The following KLHDC8A variants were observed in gnomAD, a reference collection of about 807,000 sequenced individuals.
KLHDC8A encodes kelch domain containing 8A, also known as kelch domain-containing protein 8A.
Under a neutral mutation model 33.1 loss-of-function variants are expected in KLHDC8A, and 21 were observed. The observed-to-expected ratio is 0.64, with a 90% CI of 0.45 to 0.91. The LOEUF (loss-of-function observed/expected upper bound fraction) is 0.91. Ranked by LOEUF, KLHDC8A falls within the 40% of genes least tolerant of loss-of-function variation. KLHDC8A has a pLI of 0.00. For synonymous variants in KLHDC8A, 173 were observed against 193.5 expected, an observed-to-expected ratio of 0.89 and a Z score of 0.88; for missense variants, 435 against 483.3, an observed-to-expected ratio of 0.90 and a Z score of 0.94.
rs565386326 is a variant in KLHDC8A at position 205,339,477 on chromosome 1, G to T, written c.542-68C>A. 3.7e-5 allele frequency: 56 copies of T among 1,503,634 alleles called. No homozygotes were observed. The highest frequency in any genetic ancestry group is 1.2e-4 in the African/African-American group (9 of 72,548). 93.1% of individuals were successfully genotyped at this position (1,503,634 alleles called of 1,614,324 possible). On this transcript the variant is annotated intron_variant, in intron 3 of 5. Transcript: ENST00000367155. The surrounding 1 kb of genome is among the most constrained non-coding windows in gnomAD (Gnocchi z 5.1). ...CCTGAGGACAGCGACAGTGAAAAGG[G>T]TTTCCCCTTTTGACAGTTACTCATT...
At chr1:205,338,243 G>A (rs781549109) in intron 5 of KLHDC8A, among the ~76,000 whole-genome samples, 1 of 152,168 alleles carries the variant, frequency 6.6e-6, no homozygotes, top group Non-Finnish European at 1.5e-5. Context: ...TGTGCTGCAC[G>A]GCTACGGGTG....
chr1:205,339,627 C>G lies in KLHDC8A; in HGVS notation c.541+17G>C. 6.2e-7 allele frequency: 1 copy of G among 1,613,390 alleles called. No individual in the cohort carries two copies. The highest frequency in any genetic ancestry group is 2.2e-5 in the East Asian group (1 of 44,878). On this transcript the variant is annotated intron_variant, in intron 3 of 5. Coordinates refer to ENST00000367155, the MANE Select transcript of KLHDC8A (RefSeq NM_018203.3). This position sits in a 1 kb window ranked among gnomAD's most constrained non-coding sequence, Gnocchi z 5.1. ...GGAAGGAAGGAGGGTAGGTATAGAA[C>G]AGTAACCTGTCCTTACCCAGCACGT...
Position 205,339,476 on chromosome 1 carries a change from G to C in KLHDC8A, c.542-67C>G. ...CCCTGAGGACAGCGACAGTGAAAAG[G>C]GTTTCCCCTTTTGACAGTTACTCAT... On this transcript the variant is annotated intron_variant, in intron 3 of 5. Coordinates refer to ENST00000367155, the MANE Select transcript of KLHDC8A (RefSeq NM_018203.3). The surrounding 1 kb of genome is among the most constrained non-coding windows in gnomAD (Gnocchi z 5.1). 1 of 1,504,826 alleles carries C rather than the reference G, an allele frequency of 6.6e-7. No homozygotes were observed. Among genetic ancestry groups the C allele is most frequent in the Non-Finnish European group, 9.1e-7 (1 of 1,093,440 alleles). 93.2% of individuals were successfully genotyped at this position (1,504,826 alleles called of 1,614,324 possible).
At chr1:205,353,903 T>C (rs1005660911) in intron 1 of KLHDC8A, among the ~76,000 whole-genome samples, 3 of 152,110 alleles carry the variant, frequency 2.0e-5, no homozygotes, top group Non-Finnish European at 4.4e-5. Context: ...ATGGGAGAGA[T>C]TAGGAAACTC....
rs766419067 is a variant in KLHDC8A at position 205,337,468 on chromosome 1, G to A, written c.984C>T (p.Leu328=). The change falls in exon 6 of 6, where the codon CTC becomes CTT. Residue 328 remains leucine (L), a synonymous_variant. Coordinates refer to ENST00000367155, the MANE Select transcript of KLHDC8A (RefSeq NM_018203.3). ...ACSSIVVKNC[L]LAVGGVNQGL... ...CCTGGTTGACACCTCCCACGGCGAG[G>A]AGGCAGTTCTTGACGACTATGCTGG... 6.2e-6 allele frequency: 10 copies of A among 1,613,948 alleles called. No individual in the cohort carries two copies. The highest frequency in any genetic ancestry group is 5.5e-5 in the South Asian group (5 of 91,056).
At chr1:205,340,729 C>T (rs1170755203) in intron 2 of KLHDC8A, among the ~76,000 whole-genome samples, 4 of 152,218 alleles carry the variant, frequency 2.6e-5, no homozygotes, top group Non-Finnish European at 4.4e-5. Flanking sequence ...CCTGCCTTGG[C>T]CTCCCAAAGT....
chr1:205,350,209 C>T (rs1663058986), intron 1 of KLHDC8A, among the ~76,000 whole-genome samples: 1 of 152,162 alleles, frequency 6.6e-6, no homozygotes, highest in Non-Finnish European at 1.5e-5. Flanking sequence ...CTCTTGCTAC[C>T]ACCACCCTCC....
intron 1 of KLHDC8A, among the ~76,000 whole-genome samples, chr1:205,349,716 T>C (rs1285857090): frequency 1.3e-5 from 2 of 152,152 alleles, no homozygotes; most frequent in Non-Finnish European, 2.9e-5. Context: ...TGACCAGCAA[T>C]GTCAGAAACC....
At chr1:205,338,362 C>T (rs569477978) in intron 5 of KLHDC8A, 133 bp downstream of exon 5, 11 of 676,748 alleles carry the variant, frequency 1.6e-5, no homozygotes, top group Middle Eastern at 2.5e-4. Flanking sequence ...GGGAGTGCTT[C>T]GAATTTTTTG....
intron 5 of KLHDC8A, among the ~76,000 whole-genome samples, 157 bp downstream of exon 5, chr1:205,338,338 T>C (rs1314938047): frequency 2.0e-5 from 3 of 152,184 alleles, no homozygotes; most frequent in Non-Finnish European, 4.4e-5. Context: ...AGGTAATATC[T>C]AGGCTGGAAG....
At chr1:205,350,958 G>A (rs1184789347) in intron 1 of KLHDC8A, among the ~76,000 whole-genome samples, 1 of 152,204 alleles carries the variant, frequency 6.6e-6, no homozygotes, top group Non-Finnish European at 1.5e-5. Context: ...ATGGGGCTCT[G>A]CAGGCCTAGA....
At position 205,343,241 on chromosome 1, in the gene KLHDC8A, C is replaced by A. The variant is rs778972734; in HGVS notation, c.364G>T (p.Val122Phe). ...TGGCCCCACTTGCCTTTGGCCGTGA[C>A]AGAAATGCCCATGGCGGCCTCACGC... is the stretch of plus-strand genomic sequence containing the variant. ...MLREAAMGIS[V>F]TAKDYRVYAA... Residue 122 changes from valine to phenylalanine, a missense_variant, in exon 2 of 6, where the codon GTC (valine) becomes TTC (phenylalanine). Transcript: ENST00000367155. 6.3e-7 allele frequency: 1 copy of A among 1,589,124 alleles called. No individual in the cohort carries two copies. Among genetic ancestry groups the A allele is most frequent in the Non-Finnish European group, 8.6e-7 (1 of 1,162,710 alleles).
rs538461641 is a variant in KLHDC8A at position 205,345,747 on chromosome 1, A to G, written c.-189-1954T>C. Among the ~76,000 whole-genome samples the G allele has an allele frequency of 3.9e-5, 6 of 152,218 alleles. No individual in the cohort carries two copies. The East Asian group carries it at 7.7e-4, about 20-fold the overall frequency. On this transcript the variant is annotated intron_variant, in intron 1 of 5. Coordinates refer to ENST00000367155, the MANE Select transcript of KLHDC8A (RefSeq NM_018203.3). ...CAGAGCAAGACTCTGTCTCAAAAAC[A>G]AAACAAAACAGAACAAACCTTCCAC...
chr1:205,348,191 G>A (rs985919352), intron 1 of KLHDC8A, among the ~76,000 whole-genome samples: 53 of 152,164 alleles, frequency 3.5e-4, no homozygotes, highest in Non-Finnish European at 5.4e-4. Flanking sequence ...GTGTTGTGGG[G>A]AACAGTTTCT....
At chr1:205,354,969 C>T (rs535451423) in intron 1 of KLHDC8A, among the ~76,000 whole-genome samples, 5 of 152,294 alleles carry the variant, frequency 3.3e-5, no homozygotes, top group Admixed American at 2.6e-4. Flanking sequence ...TGGTATTTTA[C>T]CTGCTGATTT....
At position 205,343,546 on chromosome 1, in the gene KLHDC8A, C is replaced by A. The variant is rs1273138108; in HGVS notation, c.59G>T (p.Arg20Leu). 2 of 1,612,248 alleles carry A rather than the reference C, an allele frequency of 1.2e-6. No homozygotes were observed. Among genetic ancestry groups the A allele is most frequent in the Non-Finnish European group, 1.7e-6 (2 of 1,179,316 alleles). The change falls in exon 2 of 6, where the codon CGC (arginine) becomes CTC (leucine). Residue 20 changes from arginine to leucine, a missense_variant. Arg to Leu is a moderately radical substitution (Grantham distance 102). Coordinates refer to ENST00000367155, the MANE Select transcript of KLHDC8A (RefSeq NM_018203.3). ...CTCCAGCAGGGAGCAGTAGACCCGG[C>A]GGCTGGGCAGTGGCGCCAGGCGCTT... ...QWKRLAPLPS[R>L]RVYCSLLETG...
Position 205,339,104 on chromosome 1 carries a change from G to T in KLHDC8A, c.757+90C>A. ...CTTGCCCAGCTGGGTAAACGGCCCT[G>T]GAAGATGGCTGGAATAGGGGTAAGG... is the stretch of plus-strand genomic sequence containing the variant. On this transcript the variant is annotated intron_variant, in intron 4 of 5. Transcript: ENST00000367155. This position sits in a 1 kb window ranked among gnomAD's most constrained non-coding sequence, Gnocchi z 5.1. The T allele has an allele frequency of 1.8e-6, 2 of 1,110,786 alleles. No individual in the cohort carries two copies. The highest frequency in any genetic ancestry group is 1.3e-6 in the Non-Finnish European group (1 of 757,176). 68.8% of individuals were successfully genotyped at this position (1,110,786 alleles called of 1,614,324 possible).
In KLHDC8A at chr1:205,337,270, C is replaced by T. The variant is rs1662658413; in HGVS notation, c.*129G>A. On this transcript the variant is annotated 3_prime_UTR_variant, in exon 6 of 6. Transcript: ENST00000367155. ...GAGAGGTCAACTTAGAGCCCCAAGG[C>T]CAGACTCCACTGGTTGCTAACAGGA... is the stretch of plus-strand genomic sequence containing the variant. The T allele has an allele frequency of 8.2e-6, 6 of 729,992 alleles. No homozygotes were observed. The highest frequency in any genetic ancestry group is 1.7e-5 in the South Asian group (1 of 59,006). The allele number at this position is 729,992 out of a possible 1,614,324, so 45.2% of individuals were successfully genotyped here.
rs1367533333 is a variant in KLHDC8A at position 205,343,640 on chromosome 1, T to G, written c.-36A>C. 6.5e-7 allele frequency: 1 copy of G among 1,528,164 alleles called. No homozygotes were observed. The highest frequency in any genetic ancestry group is 8.8e-7 in the Non-Finnish European group (1 of 1,137,636). The allele number at this position is 1,528,164 out of a possible 1,614,324, so 94.7% of individuals were successfully genotyped here. ...GGGAGCGCCCGGGCGCCGGGAGAGG[T>G]GCGAGCGCGGGGGTCCACCGGCTAC... is the stretch of plus-strand genomic sequence containing the variant. On this transcript the variant is annotated 5_prime_UTR_variant, in exon 2 of 6. Transcript: ENST00000367155.
Sources: allele counts gnomAD v4.1 joint callset (sites outside exome capture counted in the v4.1 genomes callset), GRCh38; gene constraint gnomAD v4.1.1; non-coding constraint Gnocchi (gnomAD v3.1); transcripts MANE v1.5; gene names NCBI Gene and HGNC (gene_info 2026-07-23, HGNC 2026-07-21).